Variants in PARD3B observed in about 807,000 individuals in gnomAD.
The protein encoded by PARD3B is partitioning defective 3 homolog B.
A neutral mutation model predicts 130.2 loss-of-function variants in PARD3B; 103 were observed. The ratio of observed to expected loss-of-function variants is 0.79; its 90% CI spans 0.67 to 0.93. PARD3B has a LOEUF of 0.93. Among genes scored for constraint, PARD3B ranks in the 40% least tolerant of loss-of-function variants. The probability of loss-of-function intolerance (pLI) is 0.00; values close to 1 mark genes in which losing one functional copy is unlikely to be tolerated. For synonymous variants in PARD3B, 583 were observed against 553.2 expected (o/e 1.05, Z -0.76); for missense variants, 1,609 against 1,499.2 (o/e 1.07, Z -1.21).
rs2041970113 is a variant in PARD3B, at chr2:205,300,819, G to GA, written c.2392+90dup. On this transcript the variant is annotated intron_variant, in intron 17 of 22. Coordinates refer to ENST00000406610, the MANE Select transcript of PARD3B (RefSeq NM_001302769.2). The surrounding 1 kb of genome is among the most constrained non-coding windows in gnomAD (Gnocchi z 4.1). ...GGGCAAGAATGTGTGCTCAACTACA[G>GA]AAAAAAATGATTTAAGGATCACAAT... 2.3e-6 allele frequency: 3 copies of GA among 1,303,620 alleles called. No homozygotes were observed. The highest frequency in any genetic ancestry group is 1.5e-5 in the African/African-American group (1 of 67,054). The allele number at this position is 1,303,620 out of a possible 1,614,324, so 80.8% of individuals were successfully genotyped here.
intron 18 of PARD3B, among the ~76,000 whole-genome samples, chr2:205,302,611 A>G (rs2042050222): frequency 6.6e-6 from 1 of 152,194 alleles, no homozygotes; most frequent in Non-Finnish European, 1.5e-5. Context: ...GGGAAGCCCT[A>G]TGTGTTACCT....
intron 15 of PARD3B, among the ~76,000 whole-genome samples, chr2:205,214,387 A>G (rs915005542): frequency 6.6e-6 from 1 of 151,930 alleles, no homozygotes; most frequent in East Asian, 1.9e-4. Flanking sequence ...ATTTGGTTGC[A>G]TGTCACTTGT....
At chr2:205,010,627 A>G (rs1049115396) in intron 3 of PARD3B, among the ~76,000 whole-genome samples, 32 of 152,208 alleles carry the variant, frequency 2.1e-4, no homozygotes, top group Admixed American at 5.9e-4. Context: ...TAGGCTAGAA[A>G]TCTATTTGCT....
At chr2:205,315,140 A>AATG (rs150534650) in intron 18 of PARD3B, among the ~76,000 whole-genome samples, 465 of 152,276 alleles carry the variant, frequency 3.1e-3, no homozygotes, top group African/African-American at 0.011. Flanking sequence ...TTAGATATTT[A>AATG]ATGAATGCTT....
At chr2:205,213,363 TC>T (rs1559548822) in intron 15 of PARD3B, among the ~76,000 whole-genome samples, 1 of 152,114 alleles carries the variant, frequency 6.6e-6, no homozygotes, top group African/African-American at 2.4e-5. Flanking sequence ...GCATTTTTTT[TC>T]CCATTCCAAT....
At chr2:205,401,681 G>C (rs1427676213) in intron 19 of PARD3B, among the ~76,000 whole-genome samples, 1 of 152,174 alleles carries the variant, frequency 6.6e-6, no homozygotes, top group Non-Finnish European at 1.5e-5. Flanking sequence ...GAATTCTCCT[G>C]CTTGAGGAGC....
chr2:204,935,732 T>C (rs1688403804), intron 2 of PARD3B, among the ~76,000 whole-genome samples: 1 of 152,162 alleles, frequency 6.6e-6, no homozygotes. Context: ...ACAGGGCTTA[T>C]CATTGAAACC....
chr2:204,882,012 G>A (rs2046073636), intron 2 of PARD3B, among the ~76,000 whole-genome samples: 6 of 152,136 alleles, frequency 3.9e-5, no homozygotes, highest in African/African-American at 9.7e-5. Flanking sequence ...ACATCCTGGC[G>A]TCAGGCAGCA....
intron 18 of PARD3B, among the ~76,000 whole-genome samples, chr2:205,371,729 A>G (rs923016184): frequency 1.3e-5 from 2 of 152,176 alleles, no homozygotes; most frequent in Non-Finnish European, 2.9e-5. Context: ...TATAATTCAC[A>G]TGCCATAAAA....
At chr2:204,721,567 C>T (rs1574811711) in intron 2 of PARD3B, among the ~76,000 whole-genome samples, 1 of 152,096 alleles carries the variant, frequency 6.6e-6, no homozygotes, top group African/African-American at 2.4e-5. Flanking sequence ...ATTTATTTCT[C>T]ATTTTTGACC....
intron 10 of PARD3B, among the ~76,000 whole-genome samples, chr2:205,156,041 A>C (rs1470870176): frequency 6.6e-6 from 1 of 152,142 alleles, no homozygotes; most frequent in Non-Finnish European, 1.5e-5. Flanking sequence ...GACTGGATTA[A>C]GAAAATGTGG....
At chr2:205,199,457 G>A (rs1301715402) in intron 15 of PARD3B, among the ~76,000 whole-genome samples, 1 of 151,858 alleles carries the variant, frequency 6.6e-6, no homozygotes, top group Non-Finnish European at 1.5e-5. Flanking sequence ...TTTTTACTGT[G>A]TGTGTATATA....
rs1005033796 is a variant in PARD3B at position 205,281,245 on chromosome 2, G to C, written c.2186-19285G>C. On this transcript the variant is annotated intron_variant, in intron 16 of 22. Coordinates refer to ENST00000406610, the MANE Select transcript of PARD3B (RefSeq NM_001302769.2). This position sits in a 1 kb window ranked among gnomAD's most constrained non-coding sequence, Gnocchi z 4.2. ...GGCAGGTCTAAAGACAAAAGGGTTG[G>C]GGATGATCATGTTAAATAAACATCT... Among the ~76,000 whole-genome samples the C allele has an allele frequency of 3.3e-5, 5 of 152,130 alleles. No homozygotes were observed. Among genetic ancestry groups the C allele is most frequent in the Non-Finnish European group, 7.4e-5 (5 of 68,022 alleles).
At chr2:205,556,609 C>T (rs974091597) in intron 22 of PARD3B, among the ~76,000 whole-genome samples, 1 of 152,156 alleles carries the variant, frequency 6.6e-6, no homozygotes, top group Non-Finnish European at 1.5e-5. Flanking sequence ...AAATCTCCTG[C>T]CTCCTAAGAA....
At chr2:205,607,629 C>T (rs2055048809) in intron 22 of PARD3B, among the ~76,000 whole-genome samples, 1 of 152,198 alleles carries the variant, frequency 6.6e-6, no homozygotes, top group Admixed American at 6.5e-5. Flanking sequence ...TGGGAACATG[C>T]TGCTGTGCTC....
intron 22 of PARD3B, among the ~76,000 whole-genome samples, chr2:205,565,192 G>A (rs1008875931): frequency 2.0e-5 from 3 of 152,276 alleles, no homozygotes; most frequent in Non-Finnish European, 2.9e-5. Context: ...CTGACAGCCC[G>A]GGTTTTACAA....
chr2:204,828,392 C>G (rs1361543673), intron 2 of PARD3B, among the ~76,000 whole-genome samples: 3 of 152,130 alleles, frequency 2.0e-5, no homozygotes, highest in Non-Finnish European at 2.9e-5. Flanking sequence ...GATTCTCAAC[C>G]CTGGCTATGA....
At chr2:204,782,627 G>A (rs1273705631) in intron 2 of PARD3B, among the ~76,000 whole-genome samples, 1 of 151,458 alleles carries the variant, frequency 6.6e-6, no homozygotes, top group African/African-American at 2.4e-5. Context: ...ATCTGCTTGA[G>A]TAGAGTATGC....
chr2:204,882,946 G>A (rs973090545), intron 2 of PARD3B, among the ~76,000 whole-genome samples: 5 of 152,064 alleles, frequency 3.3e-5, no homozygotes, highest in African/African-American at 1.2e-4. Flanking sequence ...GCTTTACTTG[G>A]AAAAAGGGGA....
Sources: gnomAD v4.1 joint callset for allele counts (sites outside exome capture counted in the v4.1 genomes callset) on GRCh38, gnomAD v4.1.1 for gene constraint, Gnocchi (gnomAD v3.1) non-coding constraint, MANE v1.5 for transcripts, NCBI Gene and HGNC (gene_info 2026-07-23, HGNC 2026-07-21) for gene names.